Variants in CAMK4 observed in about 807,000 individuals in gnomAD.
CAMK4 encodes calcium/calmodulin dependent protein kinase IV, also known as calcium/calmodulin-dependent protein kinase type IV.
In CAMK4, 22 loss-of-function variants were observed where a neutral mutation model predicts 44.9. That is an observed-to-expected ratio of 0.49 (90% CI 0.35 to 0.70). The LOEUF (loss-of-function observed/expected upper bound fraction) is 0.70. Among genes scored for constraint, CAMK4 ranks in the 30% least tolerant of loss-of-function variants. The probability of loss-of-function intolerance (pLI) is 0.01; values close to 1 mark genes in which losing one functional copy is unlikely to be tolerated. For synonymous variants in CAMK4, 218 were observed against 215.4 expected, an observed-to-expected ratio of 1.01 and a Z score of -0.11; for missense variants, 498 against 586.8, an observed-to-expected ratio of 0.85 and a Z score of 1.56.
intron 1 of CAMK4, among the ~76,000 whole-genome samples, chr5:111,297,117 C>A (rs75261952): frequency 0.032 from 4,830 of 152,260 alleles, 275 homozygotes; most frequent in African/African-American, 0.11. Flanking sequence ...CTTTTTAAAA[C>A]TAAAATGCGA....
At chr5:111,444,949 T>C (rs1228683004) in intron 5 of CAMK4, among the ~76,000 whole-genome samples, 1 of 152,206 alleles carries the variant, frequency 6.6e-6, no homozygotes, top group African/African-American at 2.4e-5. Context: ...AAGTTAAAAC[T>C]ACAGATTTAG....
At chr5:111,474,060 G>A (rs1402159209) in intron 8 of CAMK4, among the ~76,000 whole-genome samples, 1 of 152,174 alleles carries the variant, frequency 6.6e-6, no homozygotes, top group Non-Finnish European at 1.5e-5. Context: ...CCAAATAGAA[G>A]AGCGTCTGAG....
At chr5:111,303,933 C>A (rs1345573575) in intron 1 of CAMK4, among the ~76,000 whole-genome samples, 3 of 123,728 alleles carry the variant, frequency 2.4e-5, no homozygotes, top group African/African-American at 3.8e-5. Flanking sequence ...AGAGTGGGGG[C>A]CAATATTCAA....
At chr5:111,406,525 AT>A (rs71626640) in intron 5 of CAMK4, among the ~76,000 whole-genome samples, 54,067 of 151,664 alleles carry the variant, frequency 0.36, 10,668 homozygotes, top group South Asian at 0.5. Context: ...TACCTGGCCA[AT>A]TTTTTTCTTT....
At chr5:111,470,841 C>T (rs1196569134) in intron 7 of CAMK4, among the ~76,000 whole-genome samples, 2 of 152,156 alleles carry the variant, frequency 1.3e-5, no homozygotes, top group Non-Finnish European at 2.9e-5. Context: ...TGAAGGTTTC[C>T]TGGGAATTTT....
chr5:111,352,871 G>A (rs1181285331), intron 2 of CAMK4, among the ~76,000 whole-genome samples: 1 of 151,960 alleles, frequency 6.6e-6, no homozygotes, highest in Non-Finnish European at 1.5e-5. Context: ...GAACTTTGGG[G>A]AACACAGACA....
intron 2 of CAMK4, among the ~76,000 whole-genome samples, chr5:111,350,331 GC>G (rs1750043021): frequency 6.6e-6 from 1 of 151,990 alleles, no homozygotes; most frequent in Non-Finnish European, 1.5e-5. Flanking sequence ...GTTCTCATTA[GC>G]TTGATTTAAA....
intron 8 of CAMK4, among the ~76,000 whole-genome samples, chr5:111,474,393 C>T (rs1755165614): frequency 1.3e-5 from 2 of 152,172 alleles, no homozygotes; most frequent in African/African-American, 4.8e-5. Context: ...TGCAGATGGC[C>T]GCCCTCTCAC....
chr5:111,443,269 TATATATATATACACAC>T (rs1353468183), intron 5 of CAMK4, among the ~76,000 whole-genome samples: 147 of 51,186 alleles, frequency 2.9e-3, no homozygotes, highest in Middle Eastern at 0.017. Context: ...TATATATATA[TATATATATATACACAC>T]ACACACACAC....
chr5:111,443,792 C>T (rs1753932290), intron 5 of CAMK4, among the ~76,000 whole-genome samples: 1 of 152,128 alleles, frequency 6.6e-6, no homozygotes, highest in Non-Finnish European at 1.5e-5. Context: ...CTTCTCAACA[C>T]AATGGAGTTT....
intron 5 of CAMK4, among the ~76,000 whole-genome samples, chr5:111,405,745 G>T (rs897802038): frequency 2.1e-4 from 32 of 152,240 alleles, no homozygotes; most frequent in African/African-American, 7.0e-4. Context: ...AGGGACTTTT[G>T]CTATAAGACC....
At chr5:111,354,688 C>T (rs891152111) in intron 2 of CAMK4, among the ~76,000 whole-genome samples, 1 of 151,952 alleles carries the variant, frequency 6.6e-6, no homozygotes, top group African/African-American at 2.4e-5. Flanking sequence ...CAGAGCGAGA[C>T]TCTGTCTCAA....
intron 5 of CAMK4, among the ~76,000 whole-genome samples, chr5:111,425,963 T>C (rs1328544902): frequency 1.3e-5 from 2 of 152,204 alleles, no homozygotes; most frequent in Admixed American, 6.5e-5. Flanking sequence ...AATAGTGTGA[T>C]ACTGTATGGA....
intron 1 of CAMK4, among the ~76,000 whole-genome samples, chr5:111,318,923 A>C (rs919162919): frequency 2.0e-5 from 3 of 152,042 alleles, no homozygotes; most frequent in African/African-American, 4.8e-5. Flanking sequence ...TTGTATTTTT[A>C]TTTTTCTTTT....
At chr5:111,368,935 C>T (rs957300607) in intron 2 of CAMK4, among the ~76,000 whole-genome samples, 1 of 151,564 alleles carries the variant, frequency 6.6e-6, no homozygotes, top group African/African-American at 2.4e-5. Flanking sequence ...ATTATTTTTA[C>T]TAGAATTTTT....
At chr5:111,260,087 A>C (rs1039024141) in intron 1 of CAMK4, among the ~76,000 whole-genome samples, 2 of 152,212 alleles carry the variant, frequency 1.3e-5, no homozygotes, top group African/African-American at 4.8e-5. Context: ...TTGAAAGACA[A>C]AATAAATGTT....
intron 2 of CAMK4, among the ~76,000 whole-genome samples, chr5:111,357,571 A>C (rs1750419698): frequency 6.6e-6 from 1 of 152,006 alleles, no homozygotes; most frequent in South Asian, 2.1e-4. Flanking sequence ...GACGAAAAGA[A>C]AGCTAAAAAG....
At chr5:111,452,038 T>G (rs931544126) in intron 7 of CAMK4, among the ~76,000 whole-genome samples, 17 of 152,242 alleles carry the variant, frequency 1.1e-4, no homozygotes, top group Non-Finnish European at 2.2e-4. Flanking sequence ...AATATTGTTT[T>G]AATGAGTTAG....
intron 2 of CAMK4, among the ~76,000 whole-genome samples, chr5:111,359,664 A>G (rs927365522): frequency 6.6e-6 from 1 of 152,086 alleles, no homozygotes; most frequent in African/African-American, 2.4e-5. Context: ...GCCAATTCCT[A>G]TGTCCAGAAT....
Sources: allele counts gnomAD v4.1 joint callset (sites outside exome capture counted in the v4.1 genomes callset), GRCh38; gene constraint gnomAD v4.1.1; transcripts MANE v1.5; gene names NCBI Gene and HGNC (gene_info 2026-07-23, HGNC 2026-07-21).